Variants in CAMK2D observed in about 807,000 individuals in gnomAD.
The protein encoded by CAMK2D is calcium/calmodulin dependent protein kinase II delta.
Under a neutral mutation model 84.0 loss-of-function variants are expected in CAMK2D, and 37 were observed. That is an observed-to-expected ratio of 0.44 (90% CI 0.34 to 0.58). The LOEUF is 0.58. Ranked by LOEUF, CAMK2D falls within the 20% of genes least tolerant of loss-of-function variation. CAMK2D has a pLI of 0.02. For missense variants in CAMK2D, 448 were observed against 652.5 expected (o/e 0.69, Z 3.41); for synonymous variants, 202 against 212.5 (o/e 0.95, Z 0.43).
chr4:113,759,080 T>C (rs2099635051), intron 2 of CAMK2D: 1 of 269,518 alleles, frequency 3.7e-6, no homozygotes, highest in East Asian at 6.4e-5. Flanking sequence ...TTATTCATGC[T>C]ATTGCTCATA....
intron 2 of CAMK2D, among the ~76,000 whole-genome samples, chr4:113,727,264 C>A (rs1240660165): frequency 6.6e-6 from 1 of 151,988 alleles, no homozygotes; most frequent in East Asian, 1.9e-4. Context: ...GAAAGAAGCT[C>A]GGATAGATAA....
chr4:113,654,903 T>C (rs1361004946), intron 3 of CAMK2D, among the ~76,000 whole-genome samples: 1 of 151,834 alleles, frequency 6.6e-6, no homozygotes, highest in Non-Finnish European at 1.5e-5. Flanking sequence ...ATAGAATATA[T>C]GATATTTGAA....
chr4:113,531,306 A>G lies in CAMK2D; in HGVS notation c.518-7T>C. On this transcript the variant is annotated splice_polypyrimidine_tract_variant and splice_region_variant and intron_variant, in intron 7 of 20. Transcript: ENST00000511664. ...CCAGGTGTGCCAGCAAAACCTAGGG[A>G]AAAGAGATGTTAATGAGTCACAGTT... 6.7e-7 allele frequency: 1 copy of G among 1,487,812 alleles called. No homozygotes were observed. Among genetic ancestry groups the G allele is most frequent in the Non-Finnish European group, 9.4e-7 (1 of 1,064,958 alleles). 92.2% of individuals were successfully genotyped at this position (1,487,812 alleles called of 1,614,324 possible).
At chr4:113,648,705 C>T (rs575150805) in intron 3 of CAMK2D, among the ~76,000 whole-genome samples, 1 of 152,278 alleles carries the variant, frequency 6.6e-6, no homozygotes, top group Admixed American at 6.5e-5. Context: ...GAGCACCCAA[C>T]TTGACTGCTC....
intron 2 of CAMK2D, among the ~76,000 whole-genome samples, chr4:113,723,283 G>A (rs1328070807): frequency 2.0e-5 from 3 of 149,602 alleles, no homozygotes; most frequent in Non-Finnish European, 4.4e-5. Context: ...GGAATGCAGT[G>A]GCACGATCTC....
At chr4:113,572,164 A>G (rs990323263) in intron 4 of CAMK2D, among the ~76,000 whole-genome samples, 1 of 152,214 alleles carries the variant, frequency 6.6e-6, no homozygotes, top group Non-Finnish European at 1.5e-5. Flanking sequence ...TCCTTTCTAC[A>G]GGATACCTTA....
intron 2 of CAMK2D, among the ~76,000 whole-genome samples, chr4:113,664,810 T>TC (rs1319526913): frequency 6.6e-6 from 1 of 151,898 alleles, no homozygotes; most frequent in African/African-American, 2.4e-5. Flanking sequence ...AGTAGATTTT[T>TC]TTTTTTTTTT....
At chr4:113,720,979 T>G (rs1342751502) in intron 2 of CAMK2D, among the ~76,000 whole-genome samples, 4 of 152,160 alleles carry the variant, frequency 2.6e-5, no homozygotes, top group Non-Finnish European at 5.9e-5. Flanking sequence ...AAGATGTAAT[T>G]GGTTTACATA....
At chr4:113,515,217 G>A (rs2098269106) in intron 9 of CAMK2D, 26 bp from the exon 10 acceptor site, 1 of 1,548,310 alleles carries the variant, frequency 6.5e-7, no homozygotes. Flanking sequence ...TTTATAAAAA[G>A]TTTAAAAAAT....
rs550795173 is a variant in CAMK2D, at chr4:113,559,113, A to C, written c.276-7017T>G. 1.4e-3 allele frequency among the ~76,000 whole-genome samples: 207 copies of C among 152,286 alleles called. 1 individual carries two copies. The highest frequency in any genetic ancestry group is 4.9e-3 in the African/African-American group (202 of 41,566). On this transcript the variant is annotated intron_variant, in intron 4 of 20. Coordinates refer to ENST00000511664, the MANE Select transcript of CAMK2D (RefSeq NM_001321571.2). Reference sequence around the variant, plus strand: ...CATTAAAAAAAAACAAATGAAAGAAATCGCTGTATATGGTTTTGCAAGCAC... The same window carrying C: ...CATTAAAAAAAAACAAATGAAAGAACTCGCTGTATATGGTTTTGCAAGCAC...
chr4:113,634,103 C>A (rs962661393), intron 3 of CAMK2D, among the ~76,000 whole-genome samples: 12 of 152,188 alleles, frequency 7.9e-5, no homozygotes, highest in Non-Finnish European at 1.6e-4. Context: ...AGTACAGTCC[C>A]ACAAAACACT....
intron 12 of CAMK2D, among the ~76,000 whole-genome samples, chr4:113,512,190 C>G (rs1310970233): frequency 6.6e-6 from 1 of 152,164 alleles, no homozygotes; most frequent in Non-Finnish European, 1.5e-5. Flanking sequence ...CAGTCCTTCC[C>G]CCTACATAAG....
At chr4:113,552,918 T>C (rs1173464108) in intron 4 of CAMK2D, among the ~76,000 whole-genome samples, 1 of 152,202 alleles carries the variant, frequency 6.6e-6, no homozygotes, top group Non-Finnish European at 1.5e-5. Context: ...ATAGTTATTA[T>C]TAATAAATAC....
chr4:113,483,404 T>C (rs1291129683), intron 16 of CAMK2D, among the ~76,000 whole-genome samples: 1 of 151,284 alleles, frequency 6.6e-6, no homozygotes, highest in Non-Finnish European at 1.5e-5. Context: ...TATATCCTTA[T>C]GCTTCTTTTT....
At chr4:113,707,770 T>C (rs1162166845) in intron 2 of CAMK2D, among the ~76,000 whole-genome samples, 2 of 152,270 alleles carry the variant, frequency 1.3e-5, no homozygotes, top group South Asian at 2.1e-4. Flanking sequence ...TGTGAGGCAA[T>C]AGGTAAGATT....
chr4:113,563,504 G>C (rs2098708259), intron 4 of CAMK2D, among the ~76,000 whole-genome samples: 1 of 152,114 alleles, frequency 6.6e-6, no homozygotes, highest in African/African-American at 2.4e-5. Context: ...GGTTCTATAG[G>C]GAAGGGCGTG....
chr4:113,608,337 AT>A (rs2098986311), intron 4 of CAMK2D, among the ~76,000 whole-genome samples: 1 of 152,230 alleles, frequency 6.6e-6, no homozygotes, highest in African/African-American at 2.4e-5. Context: ...GTGGCATCAA[AT>A]TAAAATGCTA....
chr4:113,673,045 A>G (rs1224480589), intron 2 of CAMK2D, among the ~76,000 whole-genome samples: 1 of 152,168 alleles, frequency 6.6e-6, no homozygotes, highest in Non-Finnish European at 1.5e-5. Flanking sequence ...TCATGAGCCC[A>G]CTGTTTGCTT....
At chr4:113,574,543 CA>C (rs1462061033) in intron 4 of CAMK2D, among the ~76,000 whole-genome samples, 4 of 152,302 alleles carry the variant, frequency 2.6e-5, no homozygotes, top group South Asian at 2.1e-4. Context: ...TGCATTTAGG[CA>C]AAGCTTATTT....
Sources: gnomAD v4.1 joint callset for allele counts (sites outside exome capture counted in the v4.1 genomes callset) on GRCh38, gnomAD v4.1.1 for gene constraint, MANE v1.5 for transcripts, NCBI Gene and HGNC (gene_info 2026-07-23, HGNC 2026-07-21) for gene names.